Variants in LOXL2 observed in about 807,000 individuals in gnomAD.
The protein encoded by LOXL2 is lysyl oxidase homolog 2.
LOXL2 carries 70 observed loss-of-function variants against 93.0 expected under a neutral mutation model. That is an observed-to-expected ratio of 0.75 (90% CI 0.62 to 0.92). The LOEUF is 0.92. Among genes scored for constraint, LOXL2 ranks in the 40% least tolerant of loss-of-function variants. The probability of loss-of-function intolerance (pLI) is 0.00; values close to 1 mark genes in which losing one functional copy is unlikely to be tolerated. For synonymous variants in LOXL2, 438 were observed against 413.2 expected, an observed-to-expected ratio of 1.06 and a Z score of -0.73; for missense variants, 973 against 1,054.9, an observed-to-expected ratio of 0.92 and a Z score of 1.08.
At chr8:23,334,977 C>A (rs147877272) in intron 4 of LOXL2, among the ~76,000 whole-genome samples, 1 of 151,980 alleles carries the variant, frequency 6.6e-6, no homozygotes, top group Non-Finnish European at 1.5e-5. Flanking sequence ...CCACCACATC[C>A]GGCTAATTTT....
intron 4 of LOXL2, among the ~76,000 whole-genome samples, chr8:23,338,594 G>T (rs1450642150): frequency 6.6e-6 from 1 of 152,218 alleles, no homozygotes; most frequent in African/African-American, 2.4e-5. Context: ...GGGAGGGAAG[G>T]GGGTCCCTTC....
chr8:23,376,630 C>G (rs1804597448), intron 1 of LOXL2, among the ~76,000 whole-genome samples: 1 of 152,068 alleles, frequency 6.6e-6, no homozygotes, highest in South Asian at 2.1e-4. Context: ...TGTTATTGGT[C>G]TATTCAGGGA....
intron 1 of LOXL2, among the ~76,000 whole-genome samples, chr8:23,390,799 T>TA (rs1269729905): frequency 2.0e-5 from 3 of 152,154 alleles, no homozygotes; most frequent in Admixed American, 6.5e-5. Flanking sequence ...CAGAAAGTGA[T>TA]AGAGACAAGG....
At chr8:23,304,858 G>T (rs1803203968) in intron 10 of LOXL2, among the ~76,000 whole-genome samples, 1 of 152,182 alleles carries the variant, frequency 6.6e-6, no homozygotes, top group African/African-American at 2.4e-5. Flanking sequence ...CGGGCAGTGG[G>T]GGCACGGGGA....
intron 5 of LOXL2, among the ~76,000 whole-genome samples, chr8:23,330,283 G>A (rs192739934): frequency 3.4e-4 from 52 of 152,354 alleles, no homozygotes; most frequent in African/African-American, 4.3e-4. Context: ...GCAGTGAGCC[G>A]AGATTGCGCC....
In LOXL2 at chr8:23,379,928, C is replaced by T. The variant is rs571224289; in HGVS notation, c.-83-11494G>A. Among the ~76,000 whole-genome samples the T allele has an allele frequency of 3.3e-5, 5 of 151,894 alleles. No homozygotes were observed. The South Asian group carries it at 8.3e-4, about 25-fold the overall frequency. On this transcript the variant is annotated intron_variant, in intron 1 of 13. Transcript: ENST00000389131. Reference sequence around the variant, plus strand: ...TCGCCTTGCTTCGGCTCACACTCTGCGGGCTGCACCCACTGTCCTGACCCC... The same window carrying T: ...TCGCCTTGCTTCGGCTCACACTCTGTGGGCTGCACCCACTGTCCTGACCCC...
chr8:23,302,399 G>A (rs1407941227), intron 11 of LOXL2, among the ~76,000 whole-genome samples: 1 of 152,106 alleles, frequency 6.6e-6, no homozygotes, highest in Non-Finnish European at 1.5e-5. Context: ...AGCCCTCCCT[G>A]ACCACTCTGA....
At chr8:23,356,764 G>T (rs934872462) in intron 3 of LOXL2, among the ~76,000 whole-genome samples, 2 of 152,212 alleles carry the variant, frequency 1.3e-5, no homozygotes, top group African/African-American at 4.8e-5. Context: ...AGTGTGTAAG[G>T]CTGTGGATGT....
intron 5 of LOXL2, 78 bp downstream of exon 5, chr8:23,333,323 G>A: frequency 7.4e-7 from 1 of 1,342,844 alleles, no homozygotes; most frequent in Non-Finnish European, 1.1e-6. Flanking sequence ...CACTCTCCTG[G>A]GGGATCCTGC....
intron 1 of LOXL2, among the ~76,000 whole-genome samples, chr8:23,383,660 T>TG (rs1804712307): frequency 1.1e-3 from 41 of 38,802 alleles, no homozygotes; most frequent in South Asian, 3.3e-3. Context: ...TTTTTTTGTT[T>TG]TTTTTTTTTT....
At chr8:23,400,757 C>T (rs1449841539) in intron 1 of LOXL2, among the ~76,000 whole-genome samples, 1 of 152,078 alleles carries the variant, frequency 6.6e-6, no homozygotes, top group Non-Finnish European at 1.5e-5. Flanking sequence ...TTCCAGGAAT[C>T]CCAGCAACAG....
intron 4 of LOXL2, among the ~76,000 whole-genome samples, chr8:23,335,153 A>G (rs989073247): frequency 1.3e-5 from 2 of 152,146 alleles, no homozygotes; most frequent in Non-Finnish European, 2.9e-5. Flanking sequence ...AATTTATGCC[A>G]AGTCATATCA....
In LOXL2 at chr8:23,328,553, G is replaced by A. The variant is rs773669008; in HGVS notation, c.979C>T (p.Arg327Ter). Residue 327 changes from arginine to a stop codon, truncating the protein, a stop_gained, in exon 6 of 14, where the codon CGA (arginine) becomes TGA (stop). Transcript: ENST00000389131. LOFTEE classifies it high-confidence loss of function. ...CCGATGTAGGCACCGCCTCTCAGTC[G>A]CACCAGGGGTTGCTGAAGAGACACA... ...KAYKPEQPLV[R>*]LRGGAYIGEG... is the part of the protein sequence containing the mutation. 11 of 1,613,700 alleles carry A rather than the reference G, an allele frequency of 6.8e-6. No homozygotes were observed. Among genetic ancestry groups the A allele is most frequent in the East Asian group, 2.2e-5 (1 of 44,872 alleles).
At position 23,341,142 on chromosome 8, in the gene LOXL2, C is replaced by A; in HGVS notation, c.593G>T (p.Arg198Leu). The A allele has an allele frequency of 6.2e-7, 1 of 1,613,926 alleles. No individual in the cohort carries two copies. Among genetic ancestry groups the A allele is most frequent in the Non-Finnish European group, 8.5e-7 (1 of 1,180,038 alleles). ...CACGTAGCCCTCCATCACTGGGGTG[C>A]GCTTGCGGTAGGTTGAGAGGATGGC... ...IRAILSTYRK[R>L]TPVMEGYVEV... The change falls in exon 4 of 14, where the codon CGC (arginine) becomes CTC (leucine). Residue 198 changes from arginine (R) to leucine (L), a missense_variant. Arg to Leu is a moderately radical substitution (Grantham distance 102). Transcript: ENST00000389131.
chr8:23,354,348 G>A (rs1483986152), intron 3 of LOXL2, among the ~76,000 whole-genome samples: 8 of 152,220 alleles, frequency 5.3e-5, no homozygotes, highest in African/African-American at 1.9e-4. Flanking sequence ...CATTAGCCCA[G>A]TGGTCTACGA....
chr8:23,346,158 A>AT lies in LOXL2; in HGVS notation c.532-4956_532-4955insA, dbSNP rs1554479828. On this transcript the variant is annotated intron_variant, in intron 3 of 13. Coordinates refer to ENST00000389131, the MANE Select transcript of LOXL2 (RefSeq NM_002318.3). ...AAAATAAAATAAATAAAATAAAATAAAAAATAAAATAAAATAAATAAAATA... is the reference window on the plus strand; with the variant it reads ...AAAATAAAATAAATAAAATAAAATAATAAAATAAAATAAAATAAATAAAATA... Among the ~76,000 whole-genome samples the AT allele has an allele frequency of 5.4e-3, 741 of 138,070 alleles. 9 individuals are homozygous for AT. The highest frequency in any genetic ancestry group is 0.03 in the Middle Eastern group (8 of 268). The allele number at this position is 138,070 out of a possible 152,430, so 90.6% of individuals were successfully genotyped here. A position where few individuals can be genotyped will look rare whatever the true frequency, so the allele number is the denominator to read the frequency against.
chr8:23,344,357 T>C (rs1803933817), intron 3 of LOXL2, among the ~76,000 whole-genome samples: 1 of 152,112 alleles, frequency 6.6e-6, no homozygotes, highest in Non-Finnish European at 1.5e-5. Context: ...TCTGTGTATG[T>C]GCATGGTGGT....
At chr8:23,305,955 A>T (rs1198599082) in intron 10 of LOXL2, among the ~76,000 whole-genome samples, 1 of 151,796 alleles carries the variant, frequency 6.6e-6, no homozygotes, top group Non-Finnish European at 1.5e-5. Context: ...GGGACTACAG[A>T]GCACGCCACC....
chr8:23,389,402 T>C (rs77509814), intron 1 of LOXL2, among the ~76,000 whole-genome samples: 3,325 of 152,238 alleles, frequency 0.022, 112 homozygotes, highest in African/African-American at 0.075. Flanking sequence ...TGTTATAGAA[T>C]TCACCTGCTT....
Sources: gnomAD v4.1 joint callset for allele counts (sites outside exome capture counted in the v4.1 genomes callset) on GRCh38, gnomAD v4.1.1 for gene constraint, MANE v1.5 for transcripts, NCBI Gene and HGNC (gene_info 2026-07-23, HGNC 2026-07-21) for gene names.